Variants in PARPBP observed in about 807,000 individuals in gnomAD.
PARPBP encodes PARP1 binding protein, also known as PCNA-interacting partner.
A neutral mutation model predicts 50.0 loss-of-function variants in PARPBP; 52 were observed. The ratio of observed to expected loss-of-function variants is 1.04; its 90% confidence interval spans 0.83 to 1.31. The LOEUF is 1.31. Ranked by LOEUF, PARPBP falls within the 50% of genes most tolerant of loss-of-function variation. The pLI is 0.00. For missense variants in PARPBP, 697 were observed against 672.0 expected (o/e 1.04, Z -0.41); for synonymous variants, 244 against 232.1 (o/e 1.05, Z -0.47).
intron 1 of PARPBP, among the ~76,000 whole-genome samples, chr12:102,122,857 A>G (rs1346794095): frequency 6.6e-6 from 1 of 152,250 alleles, no homozygotes; most frequent in East Asian, 1.9e-4. Context: ...GAGGTAATCA[A>G]TATTAAGCTT....
At chr12:102,166,748 A>G (rs1206052161) in intron 6 of PARPBP, among the ~76,000 whole-genome samples, 2 of 152,156 alleles carry the variant, frequency 1.3e-5, no homozygotes, top group African/African-American at 4.8e-5. Context: ...ATCTTGTTCC[A>G]TGAAACTTCA....
intron 1 of PARPBP, among the ~76,000 whole-genome samples, chr12:102,123,249 C>G (rs1881439980): frequency 6.6e-6 from 1 of 152,180 alleles, no homozygotes; most frequent in African/African-American, 2.4e-5. Context: ...GTGAACCACT[C>G]TTACTGGAAA....
At position 102,148,419 on chromosome 12, in the gene PARPBP, A is replaced by T; in HGVS notation, c.343A>T (p.Arg115Trp). Residue 115 changes from arginine to tryptophan, a missense_variant, in exon 3 of 11, where the codon AGG becomes TGG. By Grantham distance (101) the Arg-to-Trp change is moderately radical (BLOSUM62 -3). Coordinates refer to ENST00000327680, the MANE Select transcript of PARPBP (RefSeq NM_017915.5). The stretch of plus-strand genomic sequence containing the variant: ...TCTGATTGATGTTTATCAAAAATGT[A>T]GGGCTTTGACTTCTAATTGTGAAAA... ...LDLIDVYQKC[R>W]ALTSNCENYN... is the part of the protein sequence containing the mutation. 6.5e-7 allele frequency: 1 copy of T among 1,547,136 alleles called. No individual in the cohort carries two copies. Among genetic ancestry groups the T allele is most frequent in the Non-Finnish European group, 8.9e-7 (1 of 1,121,428 alleles).
intron 6 of PARPBP, 28 bp from the exon 7 acceptor site, chr12:102,175,455 A>G (rs997528875): frequency 3.9e-6 from 6 of 1,541,728 alleles, no homozygotes; most frequent in African/African-American, 2.7e-5. Flanking sequence ...CAATACTGCT[A>G]TAGAGGCAAT....
At chr12:102,120,715 C>T (rs576976048) in intron 1 of PARPBP, among the ~76,000 whole-genome samples, 37 of 152,288 alleles carry the variant, frequency 2.4e-4, no homozygotes, top group African/African-American at 8.7e-4. Context: ...AATTGAGCAC[C>T]TACTAAATGC....
intron 1 of PARPBP, 73 bp from the exon 2 acceptor site, chr12:102,123,813 T>C: frequency 1.0e-6 from 1 of 962,188 alleles, no homozygotes; most frequent in East Asian, 2.6e-5. Flanking sequence ...TATCTGTGCT[T>C]GCCTATACAT....
rs1881559304 is a variant in PARPBP, at chr12:102,123,984, T to C, written c.96T>C (p.Cys32=). 3.3e-6 allele frequency: 5 copies of C among 1,534,406 alleles called. No homozygotes were observed. Among genetic ancestry groups the C allele is most frequent in the African/African-American group, 1.4e-5 (1 of 73,036 alleles). Residue 32 remains cysteine, a synonymous_variant, in exon 2 of 11, where the codon TGT becomes TGC. Coordinates refer to ENST00000327680, the MANE Select transcript of PARPBP (RefSeq NM_017915.5). The stretch of plus-strand genomic sequence containing the variant: ...GTAACTCTGAGAGAACTACTCTATG[T>C]GGTGCAGACTCCATGCTCTTGGCAT... ...ALCNSERTTL[C]GADSMLLALQ...
At chr12:102,192,791 A>G (rs184705500) in intron 9 of PARPBP, among the ~76,000 whole-genome samples, 77 of 152,124 alleles carry the variant, frequency 5.1e-4, no homozygotes, top group African/African-American at 1.7e-3. Context: ...AAGCCATCCT[A>G]GTAATCTCTA....
At chr12:102,137,161 G>C (rs2137815906) in intron 2 of PARPBP, among the ~76,000 whole-genome samples, 1 of 152,188 alleles carries the variant, frequency 6.6e-6, no homozygotes, top group Middle Eastern at 3.4e-3. Context: ...CACCATGTTA[G>C]CCAGGATGGT....
At chr12:102,154,733 G>A (rs1041472316) in intron 4 of PARPBP, 1 of 395,212 alleles carries the variant, frequency 2.5e-6, no homozygotes, top group African/African-American at 2.1e-5. Context: ...ATGTTTCTTT[G>A]CCATATTTTG....
In PARPBP at chr12:102,196,276, G is replaced by A. The variant is rs1383295616; in HGVS notation, c.1725G>A (p.Gln575=). The A allele has an allele frequency of 6.3e-7, 1 of 1,584,766 alleles. No individual in the cohort carries two copies. Among genetic ancestry groups the A allele is most frequent in the Admixed American group, 1.8e-5 (1 of 54,096 alleles). ...KLISGQAKLT[Q]FFRL ...TTTCTGGCCAGGCAAAGTTAACTCA[G>A]TTTTTTAGACTATAAATTTGTGTCT... Residue 575 remains glutamine (Q), a synonymous_variant, in exon 11 of 11, where the codon CAG becomes CAA. Coordinates refer to ENST00000327680, the MANE Select transcript of PARPBP (RefSeq NM_017915.5).
chr12:102,145,004 A>G (rs933803830), intron 2 of PARPBP, among the ~76,000 whole-genome samples: 6 of 152,180 alleles, frequency 3.9e-5, no homozygotes, highest in South Asian at 2.1e-4. Context: ...TGCACTAAGG[A>G]CAATGAGGAT....
intron 1 of PARPBP, 69 bp downstream of exon 1, chr12:102,120,355 G>A: frequency 2.5e-6 from 1 of 402,344 alleles, no homozygotes. Context: ...TGGCTTTTGA[G>A]GGTGTTTTGC....
At chr12:102,165,592 A>G in intron 5 of PARPBP, 137 bp from the exon 6 acceptor site, 1 of 648,328 alleles carries the variant, frequency 1.5e-6, no homozygotes, top group South Asian at 2.0e-5. Context: ...TTCTGACTCA[A>G]AGTGTGTCAT....
At chr12:102,154,152 A>AT (rs755653184) in intron 4 of PARPBP, among the ~76,000 whole-genome samples, 176 bp downstream of exon 4, 1 of 152,238 alleles carries the variant, frequency 6.6e-6, no homozygotes, top group Non-Finnish European at 1.5e-5. Flanking sequence ...ATGTGATAAA[A>AT]GAGTCTTTAT....
intron 4 of PARPBP, among the ~76,000 whole-genome samples, chr12:102,156,176 CTTTTTTTTTTTTTTTTTTTT>C (rs869213784): frequency 3.0e-5 from 2 of 66,176 alleles, no homozygotes; most frequent in Admixed American, 1.9e-4. Flanking sequence ...ATTAACCTTC[CTTTTTTTTTTTTTTTTTTTT>C]TTTTTTTTGA....
rs1377103098 is a variant in PARPBP, at chr12:102,159,379, G to A, written c.496-5059G>A. On this transcript the variant is annotated intron_variant, in intron 4 of 10. Transcript: ENST00000327680. ...CCTGATCTCGTGATCCACCCACCTC[G>A]GCCTCCCAAAGTGCTGGAATTACAG... 2.0e-5 allele frequency among the ~76,000 whole-genome samples: 3 copies of A among 152,014 alleles called. No individual in the cohort carries two copies. In the South Asian group the frequency reaches 6.2e-4, roughly 32 times the overall value.
chr12:102,189,062 A>G (rs1012827318), intron 9 of PARPBP, among the ~76,000 whole-genome samples: 5 of 152,202 alleles, frequency 3.3e-5, no homozygotes, highest in Non-Finnish European at 7.4e-5. Context: ...TGTCTAACGT[A>G]TGCCTAATTG....
At chr12:102,130,714 G>C (rs1263298382) in intron 2 of PARPBP, among the ~76,000 whole-genome samples, 3 of 151,786 alleles carry the variant, frequency 2.0e-5, no homozygotes, top group Non-Finnish European at 4.4e-5. Flanking sequence ...CATTAGCCGG[G>C]CATGGGGGCA....
Sources: gnomAD v4.1 joint callset for allele counts (sites outside exome capture counted in the v4.1 genomes callset) on GRCh38, gnomAD v4.1.1 for gene constraint, MANE v1.5 for transcripts, NCBI Gene and HGNC (gene_info 2026-07-23, HGNC 2026-07-21) for gene names.